TBCE: variants seen among roughly 807,000 people sequenced by gnomAD.
TBCE encodes tubulin-specific chaperone E.
Under a neutral mutation model 77.0 loss-of-function variants are expected in TBCE, and 53 were observed. The ratio of observed to expected loss-of-function variants is 0.69; its 90% confidence interval spans 0.55 to 0.87. The LOEUF (loss-of-function observed/expected upper bound fraction) is 0.87, where lower values mean the gene tolerates loss of function less well. Ranked by LOEUF, TBCE falls within the 40% of genes least tolerant of loss-of-function variation. The probability of loss-of-function intolerance (pLI) is 0.00; values close to 1 mark genes in which losing one functional copy is unlikely to be tolerated. For missense variants in TBCE, 624 were observed against 622.4 expected (o/e 1.00, Z -0.03); for synonymous variants, 235 against 241.3 (o/e 0.97, Z 0.24).
chr1:235,426,576 T>C (rs1379249405), intron 5 of TBCE, among the ~76,000 whole-genome samples: 2 of 152,220 alleles, frequency 1.3e-5, no homozygotes, highest in East Asian at 1.9e-4. Context: ...TTTAGCGTTA[T>C]GACATTTGGT....
At chr1:235,421,292 G>A (rs550837455) in intron 5 of TBCE, among the ~76,000 whole-genome samples, 4 of 152,258 alleles carry the variant, frequency 2.6e-5, no homozygotes, top group African/African-American at 9.6e-5. Context: ...GCATGTGCCT[G>A]TCATCTCAGC....
chr1:235,399,744 AAG>A (rs1678972442), intron 2 of TBCE, among the ~76,000 whole-genome samples: 1 of 152,148 alleles, frequency 6.6e-6, no homozygotes, highest in African/African-American at 2.4e-5. Flanking sequence ...ATCAAATACA[AAG>A]AGGGGGCTGT....
chr1:235,417,323 A>C (rs1169583758), intron 4 of TBCE, among the ~76,000 whole-genome samples: 1 of 152,208 alleles, frequency 6.6e-6, no homozygotes, highest in Non-Finnish European at 1.5e-5. Flanking sequence ...AGTTTGAAGT[A>C]GTTGCCTGTT....
chr1:235,417,153 T>C (rs924297822), intron 4 of TBCE, among the ~76,000 whole-genome samples: 11 of 152,158 alleles, frequency 7.2e-5, no homozygotes, highest in African/African-American at 2.2e-4. Flanking sequence ...AATTAAAAAA[T>C]CCATTATGTA....
intron 12 of TBCE, among the ~76,000 whole-genome samples, chr1:235,438,535 G>T (rs867247655): frequency 7.2e-6 from 1 of 138,642 alleles, no homozygotes; most frequent in Non-Finnish European, 1.5e-5. Context: ...GCGACACAGC[G>T]AGACTCCATC....
At chr1:235,437,201 A>C (rs1681516545) in intron 11 of TBCE, 121 bp from the exon 12 acceptor site, 3 of 1,175,522 alleles carry the variant, frequency 2.6e-6, no homozygotes, top group East Asian at 2.4e-5. Context: ...TGCTTAGTGC[A>C]TGATGAAATT....
intron 2 of TBCE, among the ~76,000 whole-genome samples, chr1:235,398,302 C>G (rs1678870085): frequency 6.6e-6 from 1 of 151,732 alleles, no homozygotes; most frequent in Non-Finnish European, 1.5e-5. Context: ...CCCGCCACCA[C>G]GCCCGGCTAA....
chr1:235,433,221 C>T, intron 7 of TBCE: 1 of 1,267,084 alleles, frequency 7.9e-7, no homozygotes, highest in Non-Finnish European at 1.0e-6. Flanking sequence ...AGGGCGTCAT[C>T]TCAACTATTT....
chr1:235,419,943 G>A (rs1418112369), intron 5 of TBCE, among the ~76,000 whole-genome samples: 1 of 152,098 alleles, frequency 6.6e-6, no homozygotes, highest in African/African-American at 2.4e-5. Flanking sequence ...AAATTAGCCG[G>A]GTGTGGTGGC....
In TBCE at chr1:235,400,408, C is replaced by CTTTTTTTTTTTTTT. The variant is rs71174425; in HGVS notation, c.101-1085_101-1084insTTTTTTTTTTTTTT. On this transcript the variant is annotated intron_variant, in intron 2 of 16. Transcript: ENST00000642610. ...ATTGAAGGAAAAAATTATTTTTCCT[C>CTTTTTTTTTTTTTT]TTTTTTTTTTGAGATGGAGTCTCGC... Among the ~76,000 whole-genome samples, 145 of 106,012 alleles carry CTTTTTTTTTTTTTT rather than the reference C, an allele frequency of 1.4e-3. 20 individuals carry two copies. The highest frequency in any genetic ancestry group is 4.6e-3 in the African/African-American group (109 of 23,444). The allele number at this position is 106,012 out of a possible 152,430, so 69.5% of individuals were successfully genotyped here. A position where few individuals can be genotyped will look rare whatever the true frequency, so the allele number is the denominator to read the frequency against.
intron 3 of TBCE, among the ~76,000 whole-genome samples, chr1:235,405,535 T>G (rs549654117): frequency 2.2e-4 from 34 of 151,634 alleles, no homozygotes; most frequent in South Asian, 1.7e-3. Flanking sequence ...ACTGGGAAGG[T>G]TGAGGCATGA....
chr1:235,371,217 T>C (rs1250557494), intron 1 of TBCE, among the ~76,000 whole-genome samples: 1 of 150,866 alleles, frequency 6.6e-6, no homozygotes, highest in Non-Finnish European at 1.5e-5. Flanking sequence ...CCACCATACC[T>C]GACTAATTTT....
At chr1:235,447,741 G>T (rs192751881) in intron 15 of TBCE, among the ~76,000 whole-genome samples, 1 of 152,288 alleles carries the variant, frequency 6.6e-6, no homozygotes, top group East Asian at 1.9e-4. Flanking sequence ...TGTGCTGAGA[G>T]TATCATTCTG....
intron 2 of TBCE, among the ~76,000 whole-genome samples, chr1:235,389,047 G>C (rs1678207173): frequency 6.6e-6 from 1 of 152,224 alleles, no homozygotes; most frequent in African/African-American, 2.4e-5. Context: ...TAAGAGGGCA[G>C]ACAGTTGAGG....
chr1:235,413,742 A>T (rs1193829147), intron 3 of TBCE: 1 of 145,568 alleles, frequency 6.9e-6, no homozygotes, highest in Non-Finnish European at 1.5e-5. Context: ...TATAGAGTTC[A>T]CTGTTTCTTC....
chr1:235,441,948 G>T, intron 14 of TBCE, 66 bp downstream of exon 14: 1 of 1,424,848 alleles, frequency 7.0e-7, no homozygotes. Context: ...CAGTTAGTGT[G>T]TTTCTCTTAA....
chr1:235,435,617 T>C, intron 8 of TBCE, 128 bp from the exon 9 acceptor site: 1 of 854,902 alleles, frequency 1.2e-6, no homozygotes, highest in Non-Finnish European at 1.9e-6. Flanking sequence ...GGTTGCCCCT[T>C]TACAGTCATA....
At position 235,452,309 on chromosome 1, in the gene TBCE, C is replaced by T. The variant is rs942649367; in HGVS notation, c.*3547C>T. The stretch of plus-strand genomic sequence containing the variant: ...TTTAAAGCTGCAAATAATTTCTGAT[C>T]AAATCTATGGAAACTGAGTTTTTTT... On this transcript the variant is annotated 3_prime_UTR_variant, in exon 17 of 17. Coordinates refer to ENST00000642610, the MANE Select transcript of TBCE (RefSeq NM_003193.5). 6.6e-6 allele frequency: 1 copy of T among 152,108 alleles called. No homozygotes were observed. The highest frequency in any genetic ancestry group is 1.5e-5 in the Non-Finnish European group (1 of 68,020). The allele number at this position is 152,108 out of a possible 1,614,324, so 9.4% of individuals were successfully genotyped here.
At chr1:235,406,204 T>C (rs1431361930) in intron 3 of TBCE, among the ~76,000 whole-genome samples, 1 of 152,232 alleles carries the variant, frequency 6.6e-6, no homozygotes, top group Non-Finnish European at 1.5e-5. Flanking sequence ...TCATTGGGTC[T>C]GAAGTGGTGG....
Sources: gnomAD v4.1 joint callset for allele counts (sites outside exome capture counted in the v4.1 genomes callset) on GRCh38, gnomAD v4.1.1 for gene constraint, MANE v1.5 for transcripts, NCBI Gene and HGNC (gene_info 2026-07-23, HGNC 2026-07-21) for gene names.